The following CUX1 variants were observed in gnomAD, a reference collection of about 807,000 sequenced individuals.
CUX1 encodes cut like homeobox 1.
Under a neutral mutation model 158.8 loss-of-function variants are expected in CUX1, and 31 were observed. The observed-to-expected ratio is 0.20, with a 90% CI of 0.15 to 0.26. The LOEUF (loss-of-function observed/expected upper bound fraction) is 0.26. CUX1 is among the 10% of genes least tolerant of loss of function. The probability of loss-of-function intolerance (pLI) is 1.00; values close to 1 mark genes in which losing one functional copy is unlikely to be tolerated. For synonymous variants in CUX1, 879 were observed against 862.1 expected (o/e 1.02, Z -0.34); for missense variants, 1,589 against 2,014.6 (o/e 0.79, Z 4.04).
At chr7:102,195,696 T>TG in intron 14 of CUX1, 93 bp downstream of exon 14, 1 of 1,156,276 alleles carries the variant, frequency 8.6e-7, no homozygotes, top group South Asian at 1.5e-5. Context: ...TCTGGACAGA[T>TG]GCATGGCCAG....
At chr7:102,267,350 G>A (rs143038717) in intron 14 of CUX1, among the ~76,000 whole-genome samples, 420 of 152,014 alleles carry the variant, frequency 2.8e-3, no homozygotes, top group Non-Finnish European at 4.9e-3. Context: ...CCTGGCCAAC[G>A]TGACGAAACT....
chr7:101,846,282 A>C (rs752927946), intron 1 of CUX1, among the ~76,000 whole-genome samples: 2 of 151,460 alleles, frequency 1.3e-5, no homozygotes, highest in African/African-American at 4.9e-5. Flanking sequence ...TAAACAGGGG[A>C]GTTCCCGAGC....
At chr7:101,911,577 T>G (rs1182047918) in intron 1 of CUX1, among the ~76,000 whole-genome samples, 1 of 152,096 alleles carries the variant, frequency 6.6e-6, no homozygotes, top group African/African-American at 2.4e-5. Flanking sequence ...GACCTGAGCC[T>G]TGGCGTTGAC....
intron 2 of CUX1, among the ~76,000 whole-genome samples, chr7:101,945,709 C>T (rs1276993498): frequency 6.6e-6 from 1 of 152,192 alleles, no homozygotes; most frequent in Non-Finnish European, 1.5e-5. Context: ...ATTCTGCATG[C>T]AGGGCTGCAG....
chr7:101,957,585 G>T (rs139704785), intron 2 of CUX1, among the ~76,000 whole-genome samples: 24 of 152,162 alleles, frequency 1.6e-4, no homozygotes, highest in African/African-American at 5.6e-4. Flanking sequence ...TTATAGCCAG[G>T]TGTGGTGGCA....
intron 20 of CUX1, among the ~76,000 whole-genome samples, chr7:102,226,513 G>C (rs1404878034): frequency 1.9e-4 from 29 of 152,158 alleles, no homozygotes; most frequent in Non-Finnish European, 1.5e-5. Flanking sequence ...TCCAGCCTGG[G>C]CCACCGAGCA....
intron 10 of CUX1, among the ~76,000 whole-genome samples, chr7:102,172,723 C>T (rs920627286): frequency 3.9e-5 from 6 of 152,172 alleles, no homozygotes; most frequent in Admixed American, 3.3e-4. Context: ...TTAAGACTCC[C>T]TTCTAAGAAA....
chr7:101,831,834 CG>C (rs1794063330), intron 1 of CUX1, among the ~76,000 whole-genome samples: 2 of 151,748 alleles, frequency 1.3e-5, no homozygotes, highest in African/African-American at 4.8e-5. Flanking sequence ...TTTGACCTCC[CG>C]GGCTCAAGCT....
intron 1 of CUX1, among the ~76,000 whole-genome samples, chr7:101,854,984 C>T (rs1286211534): frequency 6.6e-6 from 1 of 152,232 alleles, no homozygotes; most frequent in Admixed American, 6.5e-5. Context: ...ATCCTCCCAC[C>T]TCAGCCTCCC....
intron 23 of CUX1, among the ~76,000 whole-genome samples, chr7:102,244,302 T>C (rs138509028): frequency 6.2e-5 from 9 of 145,626 alleles, no homozygotes; most frequent in African/African-American, 2.3e-4. Flanking sequence ...CCTCAGGGAG[T>C]AACACTTGGT....
intron 12 of CUX1, among the ~76,000 whole-genome samples, chr7:102,191,992 C>G (rs1232691603): frequency 6.6e-6 from 1 of 152,254 alleles, no homozygotes; most frequent in South Asian, 2.1e-4. Flanking sequence ...CTAACTCTTT[C>G]TGTTGCGTCC....
intron 1 of CUX1, among the ~76,000 whole-genome samples, chr7:101,844,859 A>T (rs1795524687): frequency 6.6e-6 from 1 of 151,554 alleles, no homozygotes; most frequent in Admixed American, 6.6e-5. Context: ...CAAGTTATCC[A>T]CCCACTTTGG....
intron 20 of CUX1, chr7:102,280,886 C>A: frequency 6.2e-7 from 1 of 1,605,540 alleles, no homozygotes; most frequent in Admixed American, 1.7e-5. Flanking sequence ...TACCCACCCC[C>A]TCCCTGGACA....
intron 7 of CUX1, among the ~76,000 whole-genome samples, chr7:102,112,240 C>A (rs78075850): frequency 7.6e-6 from 1 of 131,410 alleles, no homozygotes. Context: ...CTTTCTCTCT[C>A]TCTTTTTTTT....
Position 102,231,020 on chromosome 7 carries a change from C to T in CUX1, c.3434-3032C>T, listed in dbSNP as rs543497614. On this transcript the variant is annotated intron_variant, in intron 21 of 23. Transcript: ENST00000292535. ...GGACTACAGGCACACACCCCAAGCCCGGCTATTTTTTTTTTTTTTTTTTTT... is the reference window on the plus strand; with the variant it reads ...GGACTACAGGCACACACCCCAAGCCTGGCTATTTTTTTTTTTTTTTTTTTT... Among the ~76,000 whole-genome samples the T allele has an allele frequency of 2.8e-4, 35 of 123,360 alleles. 1 individual carries two copies. In the South Asian group the frequency reaches 9.0e-3, roughly 32 times the overall value. 80.9% of individuals were successfully genotyped at this position (123,360 alleles called of 152,430 possible).
chr7:102,028,146 G>A lies in CUX1; in HGVS notation c.189+1G>A. 6.2e-7 allele frequency: 1 copy of A among 1,613,070 alleles called. No individual in the cohort carries two copies. Among genetic ancestry groups the A allele is most frequent in the Non-Finnish European group, 8.5e-7 (1 of 1,179,978 alleles). On this transcript the variant is annotated splice_donor_variant, in intron 3 of 23. Transcript: ENST00000292535. LOFTEE classifies it high-confidence loss of function. ...GCTGCTGAAGAGTTTCCAAGGAGAG[G>A]TAAGCTTTTCTATTCATTTTCTATC...
chr7:102,135,463 G>GA (rs1437659348), intron 8 of CUX1, among the ~76,000 whole-genome samples: 4 of 151,938 alleles, frequency 2.6e-5, no homozygotes, highest in Admixed American at 2.6e-4. Context: ...GAGGAGGTGG[G>GA]AGGGGGGCCA....
chr7:101,845,738 C>G (rs564878476), intron 1 of CUX1, among the ~76,000 whole-genome samples: 6 of 152,158 alleles, frequency 3.9e-5, no homozygotes, highest in Non-Finnish European at 5.9e-5. Context: ...AGGATCTGGC[C>G]GAGCACAGAG....
chr7:102,170,603 C>A, intron 10 of CUX1, 53 bp downstream of exon 10: 1 of 1,219,106 alleles, frequency 8.2e-7, no homozygotes, highest in Non-Finnish European at 1.2e-6. Context: ...TCCGCACCTT[C>A]GAGTTACAGC....
Sources: gnomAD v4.1 joint callset for allele counts (sites outside exome capture counted in the v4.1 genomes callset) on GRCh38, gnomAD v4.1.1 for gene constraint, MANE v1.5 for transcripts, NCBI Gene and HGNC (gene_info 2026-07-23, HGNC 2026-07-21) for gene names.